The following FAM171A1 variants were observed in gnomAD, a reference collection of about 807,000 sequenced individuals.
FAM171A1 encodes protein FAM171A1.
Under a neutral mutation model 74.9 loss-of-function variants are expected in FAM171A1, and 23 were observed. The observed-to-expected ratio is 0.31, with a 90% CI of 0.22 to 0.44. The LOEUF (loss-of-function observed/expected upper bound fraction) is 0.44. FAM171A1 is among the 20% of genes least tolerant of loss of function. The probability of loss-of-function intolerance (pLI) is 1.00; values close to 1 mark genes in which losing one functional copy is unlikely to be tolerated. For missense variants in FAM171A1, 1,162 were observed against 1,159.2 expected (o/e 1.00, Z -0.03); for synonymous variants, 527 against 505.7 (o/e 1.04, Z -0.57).
At chr10:15,307,409 T>G (rs1056791868) in intron 1 of FAM171A1, among the ~76,000 whole-genome samples, 1 of 151,704 alleles carries the variant, frequency 6.6e-6, no homozygotes, top group Non-Finnish European at 1.5e-5. Flanking sequence ...TTTTGGAAGG[T>G]TGAGGCGGGT....
At chr10:15,229,350 T>TTGG (rs1216080077) in intron 5 of FAM171A1, among the ~76,000 whole-genome samples, 1 of 152,102 alleles carries the variant, frequency 6.6e-6, no homozygotes, top group Non-Finnish European at 1.5e-5. Flanking sequence ...ACTAGCTCGT[T>TTGG]TGAGGAATAA....
At chr10:15,249,230 G>A (rs757558703) in intron 4 of FAM171A1, among the ~76,000 whole-genome samples, 5 of 151,530 alleles carry the variant, frequency 3.3e-5, no homozygotes, top group South Asian at 2.1e-4. Flanking sequence ...CCAAGTAGCC[G>A]GTATTACAGG....
chr10:15,212,815 C>A lies in FAM171A1; in HGVS notation c.*100G>T. On this transcript the variant is annotated 3_prime_UTR_variant, in exon 8 of 8. Coordinates refer to ENST00000378116, the MANE Select transcript of FAM171A1 (RefSeq NM_001010924.2). ...GTAAACGTCCACGTCCGTCCCACGG[C>A]TGGGCTGCCGTTCCGTTTCCTCCAC... 1 of 1,478,834 alleles carries A rather than the reference C, an allele frequency of 6.8e-7. No homozygotes were observed. Among genetic ancestry groups the A allele is most frequent in the Non-Finnish European group, 9.1e-7 (1 of 1,096,410 alleles). The allele number at this position is 1,478,834 out of a possible 1,614,324, so 91.6% of individuals were successfully genotyped here.
At chr10:15,244,663 T>C (rs1225413545) in intron 5 of FAM171A1, among the ~76,000 whole-genome samples, 3 of 152,154 alleles carry the variant, frequency 2.0e-5, no homozygotes, top group Non-Finnish European at 4.4e-5. Flanking sequence ...GGTGAGGGCA[T>C]AGGGAGTAAC....
At chr10:15,321,549 C>T (rs904919503) in intron 1 of FAM171A1, among the ~76,000 whole-genome samples, 1 of 152,132 alleles carries the variant, frequency 6.6e-6, no homozygotes, top group African/African-American at 2.4e-5. Context: ...AATTTTGTAA[C>T]ACTTTCACTA....
At chr10:15,367,543 T>C (rs1836080550) in intron 1 of FAM171A1, among the ~76,000 whole-genome samples, 1 of 152,200 alleles carries the variant, frequency 6.6e-6, no homozygotes, top group Non-Finnish European at 1.5e-5. Flanking sequence ...GTCATGCTCT[T>C]AATACAATGT....
intron 1 of FAM171A1, among the ~76,000 whole-genome samples, chr10:15,297,578 A>G (rs997933256): frequency 2.0e-5 from 3 of 152,214 alleles, no homozygotes; most frequent in Non-Finnish European, 4.4e-5. Flanking sequence ...CAACAGCACC[A>G]TGTTGCCAAG....
chr10:15,219,248 C>T (rs569534188), intron 6 of FAM171A1, among the ~76,000 whole-genome samples: 1 of 152,218 alleles, frequency 6.6e-6, no homozygotes, highest in African/African-American at 2.4e-5. Context: ...TGCCATGGTA[C>T]TCCAGCCTGG....
intron 4 of FAM171A1, among the ~76,000 whole-genome samples, chr10:15,253,652 A>C (rs963004010): frequency 5.3e-5 from 8 of 152,230 alleles, no homozygotes; most frequent in Non-Finnish European, 8.8e-5. Context: ...AAGCACTGGA[A>C]AATTAAGTGA....
chr10:15,227,841 T>C (rs191299758), intron 5 of FAM171A1, among the ~76,000 whole-genome samples: 29 of 152,356 alleles, frequency 1.9e-4, no homozygotes, highest in Admixed American at 9.1e-4. Flanking sequence ...CATTCTTAAT[T>C]TGGAAGCTAC....
At chr10:15,373,781 G>A (rs190014108), upstream of FAM171A1, among the ~76,000 whole-genome samples, 2 of 152,100 alleles carry the variant, frequency 1.3e-5, no homozygotes, top group Non-Finnish European at 2.9e-5. Flanking sequence ...AAGTCTTATT[G>A]TTCACTCAAA....
chr10:15,232,659 A>G (rs1020669918), intron 5 of FAM171A1, among the ~76,000 whole-genome samples: 10 of 152,220 alleles, frequency 6.6e-5, no homozygotes, highest in African/African-American at 2.2e-4. Context: ...GACCAAACAA[A>G]ATACATCTGG....
chr10:15,279,412 G>A (rs1834937621), intron 2 of FAM171A1, among the ~76,000 whole-genome samples: 1 of 152,208 alleles, frequency 6.6e-6, no homozygotes, highest in South Asian at 2.1e-4. Context: ...GCAGTGCCCA[G>A]GTGGGTGAAG....
intron 1 of FAM171A1, among the ~76,000 whole-genome samples, chr10:15,355,664 A>G (rs1319341933): frequency 4.6e-5 from 7 of 152,068 alleles, no homozygotes. Context: ...GCAGTGAGCC[A>G]AGATTGTGCC....
chr10:15,284,721 A>C (rs1268694565), intron 1 of FAM171A1, among the ~76,000 whole-genome samples: 3 of 151,970 alleles, frequency 2.0e-5, no homozygotes, highest in African/African-American at 7.3e-5. Flanking sequence ...AGACAACAAT[A>C]CTCTTTCAAT....
At chr10:15,337,453 AGG>A (rs1458209043) in intron 1 of FAM171A1, among the ~76,000 whole-genome samples, 1 of 152,214 alleles carries the variant, frequency 6.6e-6, no homozygotes, top group Admixed American at 6.5e-5. Flanking sequence ...AATAAGCAGT[AGG>A]GGCCGGGTGC....
intron 1 of FAM171A1, among the ~76,000 whole-genome samples, chr10:15,357,948 G>C (rs1234224145): frequency 6.6e-6 from 1 of 152,158 alleles, no homozygotes; most frequent in Non-Finnish European, 1.5e-5. Flanking sequence ...AGTTTTCTGA[G>C]TCTTTGTATA....
chr10:15,254,145 G>A (rs987264417), intron 4 of FAM171A1, among the ~76,000 whole-genome samples: 1 of 152,216 alleles, frequency 6.6e-6, no homozygotes, highest in Non-Finnish European at 1.5e-5. Flanking sequence ...GTGGGAAAGA[G>A]CTGGGTGGAC....
chr10:15,238,681 G>C (rs1313692621), intron 5 of FAM171A1, among the ~76,000 whole-genome samples: 1 of 152,202 alleles, frequency 6.6e-6, no homozygotes, highest in Non-Finnish European at 1.5e-5. Flanking sequence ...CTGAAGTGCA[G>C]ACGAATCTAC....
Sources: gnomAD v4.1 joint callset for allele counts (sites outside exome capture counted in the v4.1 genomes callset) on GRCh38, gnomAD v4.1.1 for gene constraint, MANE v1.5 for transcripts, NCBI Gene and HGNC (gene_info 2026-07-23, HGNC 2026-07-21) for gene names.